The following HMCN1 variants were observed in gnomAD, a reference collection of about 807,000 sequenced individuals.
HMCN1 encodes hemicentin-1.
In HMCN1, 321 loss-of-function variants were observed where a neutral mutation model predicts 625.9. The ratio of observed to expected loss-of-function variants is 0.51; its 90% CI spans 0.47 to 0.56. The LOEUF (loss-of-function observed/expected upper bound fraction) is 0.56, where lower values mean the gene tolerates loss of function less well. Among genes scored for constraint, HMCN1 ranks in the 20% least tolerant of loss-of-function variants. The pLI is 0.00. For synonymous variants in HMCN1, 2,425 were observed against 2,417.6 expected (o/e 1.00, Z -0.09); for missense variants, 6,588 against 6,887.3 (o/e 0.96, Z 1.54).
chr1:185,906,818 C>G (rs1666121608), intron 4 of HMCN1, among the ~76,000 whole-genome samples: 1 of 151,602 alleles, frequency 6.6e-6, no homozygotes, highest in African/African-American at 2.4e-5. Flanking sequence ...GTCCTTAAAA[C>G]AGATATTCTG....
chr1:186,116,855 T>TCAGGGACATGATGTTAATTTTAA, intron 75 of HMCN1, 139 bp from the exon 76 acceptor site: 1 of 937,064 alleles, frequency 1.1e-6, no homozygotes, highest in South Asian at 1.4e-5. Flanking sequence ...AAAGTTGGCC[T>TCAGGGACATGATGTTAATTTTAA]CAGGGACATG....
chr1:185,951,613 C>CCAGA (rs1668678793), intron 11 of HMCN1, among the ~76,000 whole-genome samples: 2 of 151,698 alleles, frequency 1.3e-5, no homozygotes, highest in East Asian at 3.9e-4. Context: ...GAGCCTTGGG[C>CCAGA]CAGAGTTCCA....
intron 4 of HMCN1, among the ~76,000 whole-genome samples, chr1:185,907,535 G>A (rs538382063): frequency 6.6e-6 from 1 of 152,034 alleles, no homozygotes; most frequent in South Asian, 2.1e-4. Flanking sequence ...AGTCACTCAT[G>A]TTCTCAACAT....
rs527958699 is a variant in HMCN1, at chr1:186,047,042, A to G, written c.6480+1179A>G. 2.0e-5 allele frequency among the ~76,000 whole-genome samples: 3 copies of G among 152,266 alleles called. No homozygotes were observed. In the East Asian group the frequency reaches 5.8e-4, roughly 29 times the overall value. On this transcript the variant is annotated intron_variant, in intron 41 of 106. Coordinates refer to ENST00000271588, the MANE Select transcript of HMCN1 (RefSeq NM_031935.3). Reference sequence around the variant, plus strand: ...AAGGAATGTTTATTACTGATAAACAATGAGAGTCTTGAGAAATAGATGACG... The same window carrying G: ...AAGGAATGTTTATTACTGATAAACAGTGAGAGTCTTGAGAAATAGATGACG...
Position 186,039,817 on chromosome 1 carries a change from G to A in HMCN1, c.6118G>A (p.Ala2040Thr), listed in dbSNP as rs1390274704. The A allele has an allele frequency of 1.2e-6, 2 of 1,613,488 alleles. No individual in the cohort carries two copies. The highest frequency in any genetic ancestry group is 1.7e-6 in the Non-Finnish European group (2 of 1,179,622). Reference sequence around the variant, plus strand: ...AGAATGTGAAGCCAGAGGTATTCCTGCCCCAAGTCTGACCTGGTTGAAAGA... The same window carrying A: ...AGAATGTGAAGCCAGAGGTATTCCTACCCCAAGTCTGACCTGGTTGAAAGA... ...RLECEARGIP[A>T]PSLTWLKDGS... is the part of the protein sequence containing the mutation. The change falls in exon 39 of 107, where the codon GCC becomes ACC. Residue 2040 changes from alanine (A) to threonine (T), a missense_variant. Transcript: ENST00000271588.
Position 186,112,903 on chromosome 1 carries a change from C to A in HMCN1, c.11081C>A (p.Ala3694Asp). The part of the protein sequence containing the change: ...LGDTANYTCV[A>D]SNIAGKTTRE... ...GATACAGCCAATTATACCTGTGTTG[C>A]CAGCAACATTGCAGGAAAGACTACA... is the stretch of plus-strand genomic sequence containing the variant. Residue 3694 changes from alanine (A) to aspartate (D), a missense_variant, in exon 72 of 107, where the codon GCC becomes GAC. Ala to Asp is a moderately radical substitution (Grantham distance 126). Transcript: ENST00000271588. The A allele has an allele frequency of 6.2e-7, 1 of 1,614,042 alleles. No individual in the cohort carries two copies. Among genetic ancestry groups the A allele is most frequent in the African/African-American group, 1.3e-5 (1 of 75,010 alleles).
intron 86 of HMCN1, among the ~76,000 whole-genome samples, chr1:186,135,167 G>C (rs1361429363): frequency 6.6e-6 from 1 of 152,114 alleles, no homozygotes; most frequent in Non-Finnish European, 1.5e-5. Flanking sequence ...CAATATAGAC[G>C]TAAACATTCT....
At chr1:186,052,191 G>A (rs1263251862) in intron 42 of HMCN1, among the ~76,000 whole-genome samples, 2 of 151,906 alleles carry the variant, frequency 1.3e-5, no homozygotes, top group African/African-American at 4.8e-5. Context: ...AGCCTCAAAG[G>A]AATAGAGGCT....
intron 41 of HMCN1, among the ~76,000 whole-genome samples, chr1:186,047,755 T>A (rs1439301807): frequency 1.3e-5 from 2 of 152,140 alleles, no homozygotes; most frequent in Non-Finnish European, 2.9e-5. Flanking sequence ...TTTCCTTATC[T>A]GTAAAATGAG....
At chr1:185,951,188 G>A (rs1668645418) in intron 11 of HMCN1, among the ~76,000 whole-genome samples, 1 of 151,338 alleles carries the variant, frequency 6.6e-6, no homozygotes, top group Non-Finnish European at 1.5e-5. Context: ...GCTTTGGATT[G>A]GGAAGAAGGG....
intron 11 of HMCN1, among the ~76,000 whole-genome samples, chr1:185,936,415 A>G (rs1667817255): frequency 6.6e-6 from 1 of 152,110 alleles, no homozygotes; most frequent in Non-Finnish European, 1.5e-5. Context: ...AAATATGTAT[A>G]TAGAACATTT....
chr1:185,904,010 G>A (rs543532805), intron 4 of HMCN1, among the ~76,000 whole-genome samples: 14 of 151,902 alleles, frequency 9.2e-5, no homozygotes, highest in East Asian at 1.9e-4. Context: ...TTATTTTCAC[G>A]GGATGATGTA....
At chr1:185,899,496 T>C (rs1303446180) in intron 4 of HMCN1, among the ~76,000 whole-genome samples, 1 of 152,194 alleles carries the variant, frequency 6.6e-6, no homozygotes, top group East Asian at 1.9e-4. Context: ...TTATGTAAAC[T>C]ATTTTCTCAC....
intron 1 of HMCN1, among the ~76,000 whole-genome samples, chr1:185,836,082 CACA>C (rs1293750463): frequency 4.6e-5 from 7 of 152,160 alleles, no homozygotes; most frequent in Non-Finnish European, 7.4e-5. Context: ...TATTTCACCT[CACA>C]ACATTAACAG....
intron 1 of HMCN1, among the ~76,000 whole-genome samples, chr1:185,750,746 A>G (rs1388120717): frequency 1.3e-5 from 2 of 151,916 alleles, no homozygotes; most frequent in South Asian, 2.1e-4. Flanking sequence ...ACTTATTTCT[A>G]TGATCTTATT....
chr1:185,993,880 T>C (rs1652606475), intron 23 of HMCN1, among the ~76,000 whole-genome samples: 1 of 152,074 alleles, frequency 6.6e-6, no homozygotes, highest in Non-Finnish European at 1.5e-5. Flanking sequence ...AGAAATTAGC[T>C]GAGATAGGAT....
chr1:185,844,322 C>T (rs1256669746), intron 1 of HMCN1, among the ~76,000 whole-genome samples: 1 of 152,164 alleles, frequency 6.6e-6, no homozygotes, highest in Non-Finnish European at 1.5e-5. Context: ...CTTCTCCACT[C>T]CTTTTTCAAA....
intron 15 of HMCN1, among the ~76,000 whole-genome samples, chr1:185,976,728 A>T (rs1334298120): frequency 2.0e-5 from 3 of 152,120 alleles, no homozygotes; most frequent in Admixed American, 2.0e-4. Flanking sequence ...CCCCATAGAG[A>T]TATTGTGAAG....
intron 1 of HMCN1, among the ~76,000 whole-genome samples, chr1:185,779,912 C>T (rs1201059999): frequency 6.6e-6 from 1 of 152,170 alleles, no homozygotes; most frequent in Non-Finnish European, 1.5e-5. Flanking sequence ...ATGGGGATGG[C>T]ATTGAATGTA....
Sources: gnomAD v4.1 joint callset for allele counts (sites outside exome capture counted in the v4.1 genomes callset) on GRCh38, gnomAD v4.1.1 for gene constraint, MANE v1.5 for transcripts, NCBI Gene and HGNC (gene_info 2026-07-23, HGNC 2026-07-21) for gene names.